Variants in NHSL1 observed in about 807,000 individuals in gnomAD.
The protein encoded by NHSL1 is NHS like 1, also known as NHS-like protein 1.
In NHSL1, 48 loss-of-function variants were observed where a neutral mutation model predicts 95.0. The ratio of observed to expected loss-of-function variants is 0.51; its 90% CI spans 0.40 to 0.64. The LOEUF (loss-of-function observed/expected upper bound fraction) is 0.64. NHSL1 is among the 30% of genes least tolerant of loss of function. The pLI is 0.00. For missense variants in NHSL1, 1,971 were observed against 2,077.7 expected (o/e 0.95, Z 1.00); for synonymous variants, 783 against 833.9 (o/e 0.94, Z 1.05).
chr6:138,432,804 T>C lies in NHSL1; in HGVS notation c.1541A>G (p.Gln514Arg). 1 of 1,551,696 alleles carries C rather than the reference T, an allele frequency of 6.4e-7. No individual in the cohort carries two copies. Among genetic ancestry groups the C allele is most frequent in the Non-Finnish European group, 8.7e-7 (1 of 1,146,988 alleles). Residue 514 changes from glutamine (Q) to arginine (R), a missense_variant, in exon 6 of 8, where the codon CAA becomes CGA. This residue lies in a region of NHSL1 where 1,602 missense variants were observed against 1,654.5 expected (regional missense o/e 0.97). Transcript: ENST00000343505. This position sits in a 1 kb window ranked among gnomAD's most constrained non-coding sequence, Gnocchi z 4.4. ...NAPANRENGSQAMPYNCRNNL... is the reference protein window; with the variant it reads ...NAPANRENGSRAMPYNCRNNL... ...GTTTCTACAATTATACGGCATAGCT[T>C]GGGACCCATTCTCCCTATTTGCTGG...
intron 1 of NHSL1, among the ~76,000 whole-genome samples, chr6:138,553,502 C>A (rs1248880380): frequency 6.6e-6 from 1 of 152,170 alleles, no homozygotes; most frequent in Non-Finnish European, 1.5e-5. Context: ...ACTTCTGGTA[C>A]TTTTCAGGGT....
exon 1 of NHSL1, chr6:138,571,804 C>T (rs1451021327): frequency 1.3e-6 from 2 of 1,552,306 alleles, no homozygotes; most frequent in Admixed American, 3.9e-5. Context: ...GAAACAGCCT[C>T]TTTGTCTGCC....
At chr6:138,638,803 T>A (rs1784921976) in intron 1 of NHSL1, among the ~76,000 whole-genome samples, 1 of 152,110 alleles carries the variant, frequency 6.6e-6, no homozygotes, top group Admixed American at 6.5e-5. Context: ...TGCATATTAA[T>A]GAGTAGGAGC....
At chr6:138,652,488 A>G (rs1785106139) in intron 1 of NHSL1, among the ~76,000 whole-genome samples, 1 of 152,152 alleles carries the variant, frequency 6.6e-6, no homozygotes, top group African/African-American at 2.4e-5. Context: ...CAGAACTTTA[A>G]AAGCCCAATT....
intron 1 of NHSL1, among the ~76,000 whole-genome samples, chr6:138,629,043 C>T (rs530088851): frequency 6.6e-6 from 1 of 152,352 alleles, no homozygotes; most frequent in African/African-American, 2.4e-5. Flanking sequence ...CTCTGAGAGG[C>T]ACAGGCAGAA....
At chr6:138,575,540 T>C (rs1441894626), upstream of NHSL1, among the ~76,000 whole-genome samples, 3 of 152,228 alleles carry the variant, frequency 2.0e-5, no homozygotes, top group Non-Finnish European at 2.9e-5. Context: ...CAATTCTCTG[T>C]CTACTGGCTA....
chr6:138,454,214 T>A (rs1777434982), intron 3 of NHSL1, among the ~76,000 whole-genome samples: 1 of 152,222 alleles, frequency 6.6e-6, no homozygotes, highest in Admixed American at 6.5e-5. Flanking sequence ...CGTGCGTGCA[T>A]AAACTTGCTT....
chr6:138,670,149 A>T (rs551081291), intron 1 of NHSL1, among the ~76,000 whole-genome samples: 12 of 151,668 alleles, frequency 7.9e-5, no homozygotes, highest in African/African-American at 2.9e-4. Context: ...AAAATCAATC[A>T]ATCAATCAAT....
At chr6:138,555,548 T>C (rs899452147) in intron 1 of NHSL1, among the ~76,000 whole-genome samples, 2 of 152,230 alleles carry the variant, frequency 1.3e-5, no homozygotes, top group African/African-American at 2.4e-5. Flanking sequence ...GTTGGTTTTT[T>C]GTTTTTGTTT....
intron 2 of NHSL1, among the ~76,000 whole-genome samples, chr6:138,491,501 T>C (rs565561679): frequency 6.6e-4 from 100 of 152,316 alleles, no homozygotes; most frequent in African/African-American, 2.3e-3. Context: ...CCAAAAACTA[T>C]GCAGATAAAA....
In NHSL1 at chr6:138,692,053, C is replaced by T. The variant is rs1245583350; in HGVS notation, c.96+423G>A. The T allele has an allele frequency of 2.2e-6, 1 of 456,720 alleles. No homozygotes were observed. The highest frequency in any genetic ancestry group is 6.9e-5 in the East Asian group (1 of 14,394). 28.3% of individuals were successfully genotyped at this position (456,720 alleles called of 1,614,324 possible). A position where few individuals can be genotyped will look rare whatever the true frequency, so the allele number is the denominator to read the frequency against. On this transcript the variant is annotated intron_variant, in intron 1 of 3. Coordinates refer to the NHSL1 transcript ENST00000491526. This position sits in a 1 kb window ranked among gnomAD's most constrained non-coding sequence, Gnocchi z 4.0. ...TTACAAACGGATCGTCCTGAAGTCT[C>T]CAAAACTGTAACTACTATATGCCCA...
chr6:138,578,024 G>A (rs951669250), intron 1 of NHSL1, among the ~76,000 whole-genome samples: 3 of 152,112 alleles, frequency 2.0e-5, no homozygotes, highest in Non-Finnish European at 2.9e-5. Context: ...CCTAATCAGC[G>A]CCGGCCCCGT....
intron 1 of NHSL1, among the ~76,000 whole-genome samples, chr6:138,675,046 T>TAA (rs11354812): frequency 7.1e-6 from 1 of 141,192 alleles, no homozygotes; most frequent in Non-Finnish European, 1.6e-5. Context: ...ACCAGTCTCC[T>TAA]AAAAAAAAAA....
At chr6:138,555,080 C>T (rs183125974) in intron 1 of NHSL1, among the ~76,000 whole-genome samples, 7 of 152,122 alleles carry the variant, frequency 4.6e-5, no homozygotes, top group African/African-American at 7.2e-5. Context: ...AGTCTTGCCA[C>T]GGTGCATAAT....
chr6:138,680,186 T>C (rs1448865145), intron 1 of NHSL1, among the ~76,000 whole-genome samples: 1 of 152,232 alleles, frequency 6.6e-6, no homozygotes, highest in Non-Finnish European at 1.5e-5. Flanking sequence ...TTATGAATAA[T>C]GCTCTTTTTA....
chr6:138,461,974 G>C (rs916481593), intron 3 of NHSL1, among the ~76,000 whole-genome samples: 1 of 152,202 alleles, frequency 6.6e-6, no homozygotes, highest in African/African-American at 2.4e-5. Flanking sequence ...GCCAGGCCCT[G>C]AGCTAGCCAC....
intron 1 of NHSL1, among the ~76,000 whole-genome samples, chr6:138,678,190 G>T (rs568305485): frequency 2.7e-3 from 238 of 89,790 alleles, no homozygotes; most frequent in Admixed American, 5.3e-3. Context: ...GAAAAAAGAA[G>T]ATTTTTTTCT....
At chr6:138,570,717 C>T (rs964103423) in intron 1 of NHSL1, among the ~76,000 whole-genome samples, 4 of 152,210 alleles carry the variant, frequency 2.6e-5, no homozygotes, top group African/African-American at 9.6e-5. Flanking sequence ...GATTCTCTCA[C>T]GTTTCAGTAG....
chr6:138,531,549 T>TGA (rs1472790357), intron 1 of NHSL1, among the ~76,000 whole-genome samples: 1 of 152,022 alleles, frequency 6.6e-6, no homozygotes, highest in Non-Finnish European at 1.5e-5. Flanking sequence ...AACAGGGTCT[T>TGA]GCTCTGTTGC....
Sources: allele counts gnomAD v4.1 joint callset (sites outside exome capture counted in the v4.1 genomes callset), GRCh38; gene constraint gnomAD v4.1.1; regional missense constraint gnomAD v4.1.1; non-coding constraint Gnocchi (gnomAD v3.1); transcripts MANE v1.5; gene names NCBI Gene and HGNC (gene_info 2026-07-23, HGNC 2026-07-21).